The following DYDC1 variants were observed in gnomAD, a reference collection of about 807,000 sequenced individuals.
DYDC1 encodes DPY30 domain containing 1.
In DYDC1, 21 loss-of-function variants were observed where a neutral mutation model predicts 27.9. That is an observed-to-expected ratio of 0.75 (90% confidence interval 0.53 to 1.08). The LOEUF is 1.08. Among genes scored for constraint, DYDC1 ranks in the 50% least tolerant of loss-of-function variants. The pLI is 0.00. For synonymous variants in DYDC1, 67 were observed against 65.8 expected (o/e 1.02, Z -0.09); for missense variants, 202 against 205.9 (o/e 0.98, Z 0.12).
At chr10:80,345,037 C>T (rs1000448044) in intron 3 of DYDC1, among the ~76,000 whole-genome samples, 1 of 134,056 alleles carries the variant, frequency 7.5e-6, no homozygotes, top group African/African-American at 3.0e-5. Context: ...CTGAGCTGAA[C>T]AAATTTACAA....
At chr10:80,338,715 T>G in intron 5 of DYDC1, 144 bp from the exon 6 acceptor site, 1 of 859,702 alleles carries the variant, frequency 1.2e-6, no homozygotes, top group Non-Finnish European at 1.6e-6. Context: ...TTTCTGTTAA[T>G]GACAAGAGAA....
intron 3 of DYDC1, among the ~76,000 whole-genome samples, chr10:80,349,054 G>C (rs1564664586): frequency 6.6e-6 from 1 of 152,058 alleles, no homozygotes; most frequent in Non-Finnish European, 1.5e-5. Flanking sequence ...ACCACGCCCG[G>C]CTAATTTTTT....
In DYDC1 at chr10:80,355,389, G is replaced by C. The variant is rs78428935; in HGVS notation, c.-10+1323C>G. On this transcript the variant is annotated intron_variant, in intron 1 of 6. Coordinates refer to ENST00000372202, the MANE Select transcript of DYDC1 (RefSeq NM_001269053.2). ...CATATGCCATATGACAGTGGTGGGA[G>C]GGCAAAATGGTATAACTCCTATGGA... Among the ~76,000 whole-genome samples, 771 of 152,106 alleles carry C rather than the reference G, an allele frequency of 5.1e-3. 4 individuals carry two copies. Among genetic ancestry groups the C allele is most frequent in the African/African-American group, 0.018 (737 of 41,538 alleles).
intron 3 of DYDC1, 93 bp from the exon 4 acceptor site, chr10:80,342,454 GGTC>G (rs1361513682): frequency 8.7e-6 from 10 of 1,147,286 alleles, no homozygotes; most frequent in Non-Finnish European, 1.2e-5. Context: ...TACAATACAT[GGTC>G]ACATCCAACT....
intron 4 of DYDC1, among the ~76,000 whole-genome samples, chr10:80,341,104 G>A (rs926532759): frequency 6.6e-6 from 1 of 151,834 alleles, no homozygotes; most frequent in African/African-American, 2.4e-5. Context: ...CTTTAATTAT[G>A]GAATAAAAAG....
At chr10:80,349,752 A>G (rs560023925) in intron 3 of DYDC1, among the ~76,000 whole-genome samples, 79 of 152,346 alleles carry the variant, frequency 5.2e-4, no homozygotes, top group Non-Finnish European at 7.9e-4. Flanking sequence ...GACATTTTCA[A>G]GAAACTTCCA....
intron 3 of DYDC1, 59 bp downstream of exon 3, chr10:80,351,841 GC>G (rs1202147900): frequency 4.7e-6 from 7 of 1,481,142 alleles, no homozygotes; most frequent in Middle Eastern, 1.7e-4. Flanking sequence ...TTTAGGCTGT[GC>G]CATGCTGAGG....
chr10:80,356,297 A>G (rs1346046210), intron 1 of DYDC1: 1 of 985,634 alleles, frequency 1.0e-6, no homozygotes, highest in Non-Finnish European at 1.2e-6. Flanking sequence ...TTTCCCACAG[A>G]AACAGCTGCC....
intron 1 of DYDC1, among the ~76,000 whole-genome samples, chr10:80,353,212 A>C (rs1184449383): frequency 6.6e-6 from 1 of 152,060 alleles, no homozygotes; most frequent in African/African-American, 2.4e-5. Context: ...CCAAATAATA[A>C]CATATGAAGC....
chr10:80,354,617 T>C (rs1053228217), intron 1 of DYDC1: 2 of 152,096 alleles, frequency 1.3e-5, no homozygotes, highest in East Asian at 1.9e-4. Context: ...TAACTCCCAA[T>C]GTGATGGTAT....
chr10:80,350,313 A>T (rs1842911091), intron 3 of DYDC1, among the ~76,000 whole-genome samples: 1 of 152,196 alleles, frequency 6.6e-6, no homozygotes, highest in Non-Finnish European at 1.5e-5. Context: ...AGCCGAAGAG[A>T]GTTATGTATC....
intron 3 of DYDC1, among the ~76,000 whole-genome samples, chr10:80,344,195 C>G (rs1347546458): frequency 6.6e-6 from 1 of 152,076 alleles, no homozygotes; most frequent in Non-Finnish European, 1.5e-5. Context: ...AAGTCTGCAA[C>G]AAAAGTAGGG....
intron 1 of DYDC1, among the ~76,000 whole-genome samples, chr10:80,355,020 G>A (rs554503205): frequency 2.2e-4 from 33 of 151,642 alleles, no homozygotes; most frequent in Non-Finnish European, 4.3e-4. Context: ...CCAGACAAGA[G>A]GAGTAGCTGA....
At chr10:80,336,206 A>G in intron 6 of DYDC1, 21 bp from the exon 7 acceptor site, 1 of 1,575,290 alleles carries the variant, frequency 6.3e-7, no homozygotes, top group South Asian at 1.2e-5. Flanking sequence ...AACAAAAAGT[A>G]AATATTCCTT....
In DYDC1 at chr10:80,336,133, T is replaced by G; in HGVS notation, c.*23A>C. ...GAAATTTGAAACAAACAAAAACATT[T>G]ATTGCTCTTAGGTTGGTTGGTCCTA... On this transcript the variant is annotated 3_prime_UTR_variant, in exon 7 of 7. Transcript: ENST00000372202. 7.2e-7 allele frequency: 1 copy of G among 1,392,258 alleles called. No homozygotes were observed. The highest frequency in any genetic ancestry group is 1.0e-6 in the Non-Finnish European group (1 of 1,000,834). 86.2% of individuals were successfully genotyped at this position (1,392,258 alleles called of 1,614,324 possible).
chr10:80,344,216 C>T (rs913942843), intron 3 of DYDC1, among the ~76,000 whole-genome samples: 1 of 152,114 alleles, frequency 6.6e-6, no homozygotes, highest in Non-Finnish European at 1.5e-5. Context: ...TTCCAAGAGG[C>T]TCATTTGTTA....
At chr10:80,343,621 A>AG in intron 3 of DYDC1, among the ~76,000 whole-genome samples, 1 of 151,886 alleles carries the variant, frequency 6.6e-6, no homozygotes. Context: ...CAAAATTTTG[A>AG]GAAAAAAAAA....
At chr10:80,336,674 C>G (rs1453268920) in intron 6 of DYDC1, among the ~76,000 whole-genome samples, 1 of 152,240 alleles carries the variant, frequency 6.6e-6, no homozygotes, top group Admixed American at 6.5e-5. Flanking sequence ...GCAACTGAAG[C>G]CATCATTTTT....
At chr10:80,336,101 A>C, downstream of DYDC1, 1 of 1,209,218 alleles carries the variant, frequency 8.3e-7, no homozygotes, top group Non-Finnish European at 1.2e-6. Flanking sequence ...TGGGAACCTC[A>C]TGGTTTGAAA....
Sources: allele counts gnomAD v4.1 joint callset (sites outside exome capture counted in the v4.1 genomes callset), GRCh38; gene constraint gnomAD v4.1.1; transcripts MANE v1.5; gene names NCBI Gene and HGNC (gene_info 2026-07-23, HGNC 2026-07-21).